The following MARCHF1 variants were observed in gnomAD, a reference collection of about 807,000 sequenced individuals.
MARCHF1 encodes membrane associated ring-CH-type finger 1, also known as E3 ubiquitin-protein ligase MARCHF1.
MARCHF1 carries 40 observed loss-of-function variants against 54.2 expected under a neutral mutation model. The ratio of observed to expected loss-of-function variants is 0.74; its 90% CI spans 0.57 to 0.96. The LOEUF (loss-of-function observed/expected upper bound fraction) is 0.96, where lower values mean the gene tolerates loss of function less well. MARCHF1 is among the 40% of genes least tolerant of loss of function. MARCHF1 has a pLI of 0.00. For missense variants in MARCHF1, 586 were observed against 656.5 expected (o/e 0.89, Z 1.17); for synonymous variants, 236 against 236.3 (o/e 1.00, Z 0.01).
At chr4:163,530,304 T>C (rs1033306488) in intron 9 of MARCHF1, 2 of 152,018 alleles carry the variant, frequency 1.3e-5, no homozygotes, top group African/African-American at 4.8e-5. Context: ...TATTCTTGAC[T>C]TTTATTTAGC....
rs111525369 is a variant in MARCHF1, at chr4:163,582,467, A to G, written c.1191+3282T>C. Among the ~76,000 whole-genome samples, 62 of 152,320 alleles carry G rather than the reference A, an allele frequency of 4.1e-4. 1 individual carries two copies. The highest frequency in any genetic ancestry group is 1.4e-3 in the African/African-American group (60 of 41,580). On this transcript the variant is annotated intron_variant, in intron 8 of 9. Coordinates refer to ENST00000514618, the MANE Select transcript of MARCHF1 (RefSeq NM_001394959.1). ...CAATTAATGAGGTAACATTTTGCTG[A>G]TATCTTTAGAAACTAACCATTAAGC...
intron 1 of MARCHF1, among the ~76,000 whole-genome samples, chr4:164,205,745 TCTAA>T (rs1258599459): frequency 6.6e-6 from 1 of 152,216 alleles, no homozygotes; most frequent in Admixed American, 6.5e-5. Context: ...AAAAAATTTC[TCTAA>T]CTATTCTTGA....
intron 3 of MARCHF1, among the ~76,000 whole-genome samples, chr4:163,929,948 A>AT (rs1208142148): frequency 5.6e-5 from 2 of 35,702 alleles, no homozygotes; most frequent in Admixed American, 4.7e-4. Context: ...TATTTATATT[A>AT]TATATATTAT....
chr4:163,711,528 G>A (rs1745105356), intron 4 of MARCHF1, among the ~76,000 whole-genome samples: 1 of 152,074 alleles, frequency 6.6e-6, no homozygotes, highest in Admixed American at 6.6e-5. Context: ...TTACACCAAT[G>A]AGAATTAATG....
At chr4:163,638,320 T>C (rs1742424275) in intron 5 of MARCHF1, among the ~76,000 whole-genome samples, 1 of 151,648 alleles carries the variant, frequency 6.6e-6, no homozygotes, top group Admixed American at 6.6e-5. Context: ...GTATGGATCA[T>C]GGGGAGGATT....
At chr4:163,549,170 G>T (rs1214586368) in intron 8 of MARCHF1, among the ~76,000 whole-genome samples, 1 of 152,144 alleles carries the variant, frequency 6.6e-6, no homozygotes, top group Admixed American at 6.5e-5. Flanking sequence ...CCACCACCAC[G>T]CCTGGCTAAT....
chr4:164,139,741 C>G (rs1050746349), intron 1 of MARCHF1, among the ~76,000 whole-genome samples: 1 of 151,938 alleles, frequency 6.6e-6, no homozygotes, highest in African/African-American at 2.4e-5. Flanking sequence ...AATGGAAAAC[C>G]AATGTTAAAG....
intron 1 of MARCHF1, among the ~76,000 whole-genome samples, chr4:164,221,729 C>A (rs1057129616): frequency 2.6e-5 from 4 of 151,914 alleles, no homozygotes; most frequent in African/African-American, 9.7e-5. Flanking sequence ...CTCATGGTCA[C>A]AAGACAGCTG....
At chr4:163,779,122 A>G (rs888326900) in intron 4 of MARCHF1, among the ~76,000 whole-genome samples, 1 of 152,202 alleles carries the variant, frequency 6.6e-6, no homozygotes, top group Non-Finnish European at 1.5e-5. Context: ...AGAATATGAA[A>G]TATGCTACAT....
intron 2 of MARCHF1, among the ~76,000 whole-genome samples, chr4:164,079,730 T>C (rs969152707): frequency 1.3e-5 from 2 of 152,184 alleles, no homozygotes; most frequent in African/African-American, 4.8e-5. Context: ...TCTATTTCTA[T>C]TTATCTACTT....
chr4:163,728,271 G>T (rs1004599930), intron 4 of MARCHF1, among the ~76,000 whole-genome samples: 3 of 152,132 alleles, frequency 2.0e-5, no homozygotes, highest in African/African-American at 7.2e-5. Flanking sequence ...CCTAATGTCA[G>T]GTAGTGGCAG....
chr4:164,309,417 A>G (rs1371998139), intron 1 of MARCHF1, among the ~76,000 whole-genome samples: 1 of 152,144 alleles, frequency 6.6e-6, no homozygotes, highest in Non-Finnish European at 1.5e-5. Context: ...GAATCCCTCC[A>G]GAGTTGCTGG....
intron 1 of MARCHF1, among the ~76,000 whole-genome samples, chr4:164,333,610 A>C: frequency 6.6e-6 from 1 of 152,034 alleles, no homozygotes; most frequent in Admixed American, 6.6e-5. Flanking sequence ...TATTCCTCCA[A>C]CTCCGTCCCT....
chr4:163,733,882 G>A (rs1461723094), intron 4 of MARCHF1, among the ~76,000 whole-genome samples: 2 of 152,038 alleles, frequency 1.3e-5, no homozygotes, highest in Non-Finnish European at 1.5e-5. Context: ...AAAACACTGA[G>A]CAAAAATGTG....
At chr4:163,902,702 ATAATCATAATT>A in intron 3 of MARCHF1, among the ~76,000 whole-genome samples, 1 of 152,320 alleles carries the variant, frequency 6.6e-6, no homozygotes, top group Middle Eastern at 3.4e-3. Context: ...TCAAAAGGAA[ATAATCATAATT>A]TAATCTTTGT....
intron 4 of MARCHF1, among the ~76,000 whole-genome samples, chr4:163,721,175 T>A (rs1398651050): frequency 6.6e-6 from 1 of 152,232 alleles, no homozygotes; most frequent in African/African-American, 2.4e-5. Flanking sequence ...TTGTCATAAA[T>A]ATCTCTTATT....
At chr4:164,060,379 T>C (rs1470404095) in intron 2 of MARCHF1, among the ~76,000 whole-genome samples, 3 of 152,092 alleles carry the variant, frequency 2.0e-5, no homozygotes, top group Non-Finnish European at 2.9e-5. Flanking sequence ...ATTGATATCA[T>C]TGGCGAAAGA....
In MARCHF1 at chr4:164,357,127, A is replaced by T. The variant is rs576999205; in HGVS notation, c.-323+26743T>A. On this transcript the variant is annotated intron_variant, in intron 1 of 9. Transcript: ENST00000514618. Reference sequence around the variant, plus strand: ...CTTAAGTTTTTTTTTAAGAAAAAAAAAAATAAATAAAAATTTAGTGGTTTA... The same window carrying T: ...CTTAAGTTTTTTTTTAAGAAAAAAATAAATAAATAAAAATTTAGTGGTTTA... Among the ~76,000 whole-genome samples, 593 of 152,066 alleles carry T rather than the reference A, an allele frequency of 3.9e-3. 3 individuals are homozygous for T. Among genetic ancestry groups the T allele is most frequent in the South Asian group, 7.5e-3 (36 of 4,820 alleles).
chr4:163,693,306 CA>C (rs1347396294), intron 5 of MARCHF1, among the ~76,000 whole-genome samples: 1 of 151,300 alleles, frequency 6.6e-6, no homozygotes, highest in Non-Finnish European at 1.5e-5. Context: ...CCAAATTTTG[CA>C]TTTTACTTTA....
Sources: allele counts gnomAD v4.1 joint callset (sites outside exome capture counted in the v4.1 genomes callset), GRCh38; gene constraint gnomAD v4.1.1; transcripts MANE v1.5; gene names NCBI Gene and HGNC (gene_info 2026-07-23, HGNC 2026-07-21).